Variants in CA10 observed in about 807,000 individuals in gnomAD.
CA10 encodes the protein carbonic anhydrase 10 (inactive).
A neutral mutation model predicts 44.2 loss-of-function variants in CA10; 14 were observed. The observed-to-expected ratio is 0.32, with a 90% CI of 0.21 to 0.50. The LOEUF (loss-of-function observed/expected upper bound fraction) is 0.50, where lower values mean the gene tolerates loss of function less well. CA10 is among the 20% of genes least tolerant of loss of function. The pLI is 0.99. For synonymous variants in CA10, 159 were observed against 141.6 expected (o/e 1.12, Z -0.87); for missense variants, 350 against 409.7 (o/e 0.85, Z 1.26).
chr17:52,060,750 A>T (rs1269695307), intron 2 of CA10, among the ~76,000 whole-genome samples: 2 of 152,176 alleles, frequency 1.3e-5, no homozygotes, highest in Non-Finnish European at 2.9e-5. Context: ...GCAGAACAGT[A>T]CTATTGTCTA....
At chr17:51,958,508 G>C (rs1245698068) in intron 2 of CA10, among the ~76,000 whole-genome samples, 1 of 152,056 alleles carries the variant, frequency 6.6e-6, no homozygotes, top group African/African-American at 2.4e-5. Context: ...ATTGTGCCTA[G>C]GAAGGGAAAC....
At chr17:51,777,961 C>A (rs1905895738) in intron 3 of CA10, among the ~76,000 whole-genome samples, 1 of 152,090 alleles carries the variant, frequency 6.6e-6, no homozygotes, top group African/African-American at 2.4e-5. Flanking sequence ...TATATAGATA[C>A]AAATAATGTG....
intron 6 of CA10, among the ~76,000 whole-genome samples, chr17:51,640,765 G>A (rs139201499): frequency 0.034 from 5,141 of 152,308 alleles, 133 homozygotes; most frequent in Middle Eastern, 0.095. Flanking sequence ...CCAGGAACTA[G>A]CTTTTAGTCA....
At chr17:52,059,941 T>C (rs1052279686) in intron 2 of CA10, among the ~76,000 whole-genome samples, 2 of 152,202 alleles carry the variant, frequency 1.3e-5, no homozygotes, top group African/African-American at 4.8e-5. Flanking sequence ...CGAGAAATAC[T>C]ACCTGTTAAT....
At chr17:51,750,167 G>A (rs1381454847) in intron 3 of CA10, among the ~76,000 whole-genome samples, 3 of 151,972 alleles carry the variant, frequency 2.0e-5, no homozygotes, top group African/African-American at 7.3e-5. Context: ...TAATACATAG[G>A]CATTATTATA....
At chr17:51,734,846 G>A (rs775350728) in intron 4 of CA10, among the ~76,000 whole-genome samples, 16 of 151,886 alleles carry the variant, frequency 1.1e-4, no homozygotes, top group South Asian at 2.1e-4. Context: ...ATTTTTCACC[G>A]TTCTGGAGGA....
At chr17:52,048,749 A>G (rs1171237834) in intron 2 of CA10, among the ~76,000 whole-genome samples, 1 of 152,016 alleles carries the variant, frequency 6.6e-6, no homozygotes, top group Non-Finnish European at 1.5e-5. Flanking sequence ...TAATTAGTCC[A>G]GGTTGACAGC....
At chr17:51,856,366 AC>A (rs1979044680) in intron 3 of CA10, among the ~76,000 whole-genome samples, 4 of 103,722 alleles carry the variant, frequency 3.9e-5, no homozygotes, top group African/African-American at 3.6e-4. Context: ...CAGTAAAACA[AC>A]AACAACAACA....
chr17:51,794,448 C>T (rs1338301845), intron 3 of CA10, among the ~76,000 whole-genome samples: 2 of 152,156 alleles, frequency 1.3e-5, no homozygotes, highest in Non-Finnish European at 2.9e-5. Context: ...TGGCAGGTGT[C>T]ACCCCACTAT....
At chr17:51,803,293 T>A (rs1907006892) in intron 3 of CA10, among the ~76,000 whole-genome samples, 1 of 152,192 alleles carries the variant, frequency 6.6e-6, no homozygotes, top group Non-Finnish European at 1.5e-5. Flanking sequence ...TCCATCCTCC[T>A]GCGATGGGGC....
chr17:51,838,699 A>G (rs767649349), intron 3 of CA10, among the ~76,000 whole-genome samples: 6 of 152,384 alleles, frequency 3.9e-5, no homozygotes, highest in South Asian at 4.1e-4. Flanking sequence ...TCCCCTTTAC[A>G]TAGCAAATAT....
chr17:51,702,266 C>G (rs747411251), intron 4 of CA10, among the ~76,000 whole-genome samples: 2 of 152,138 alleles, frequency 1.3e-5, no homozygotes, highest in African/African-American at 4.8e-5. Flanking sequence ...AGGCCCAGAG[C>G]AGTTGGGAGA....
intron 3 of CA10, among the ~76,000 whole-genome samples, chr17:51,760,523 T>G (rs949803602): frequency 6.6e-6 from 1 of 152,100 alleles, no homozygotes; most frequent in African/African-American, 2.4e-5. Flanking sequence ...GGGGCAGTAT[T>G]CAGGACACTG....
At chr17:51,703,776 G>A (rs936245261) in intron 4 of CA10, among the ~76,000 whole-genome samples, 7 of 152,190 alleles carry the variant, frequency 4.6e-5, no homozygotes, top group African/African-American at 7.2e-5. Flanking sequence ...CCTAATTAAA[G>A]TTTTTAAAAT....
intron 4 of CA10, among the ~76,000 whole-genome samples, chr17:51,744,158 G>T (rs112884960): frequency 0.019 from 2,816 of 151,802 alleles, 110 homozygotes; most frequent in African/African-American, 0.065. Context: ...CACCTGTACT[G>T]AAAAAAATTA....
At chr17:51,652,670 T>C (rs180864255) in intron 5 of CA10, among the ~76,000 whole-genome samples, 2 of 152,274 alleles carry the variant, frequency 1.3e-5, no homozygotes, top group East Asian at 3.9e-4. Context: ...GGTAATTCTT[T>C]TGTGGGGGCG....
At chr17:51,647,785 A>G (rs1913398586) in intron 6 of CA10, among the ~76,000 whole-genome samples, 1 of 152,264 alleles carries the variant, frequency 6.6e-6, no homozygotes, top group African/African-American at 2.4e-5. Context: ...CTATTTACAC[A>G]CAAGACAGAA....
intron 4 of CA10, among the ~76,000 whole-genome samples, chr17:51,679,379 C>T (rs1050399731): frequency 1.3e-5 from 2 of 151,602 alleles, no homozygotes; most frequent in Admixed American, 6.6e-5. Flanking sequence ...CCTGCCTCAG[C>T]CTCCCTAGTA....
At chr17:51,816,672 C>G (rs183284375) in intron 3 of CA10, among the ~76,000 whole-genome samples, 5 of 152,340 alleles carry the variant, frequency 3.3e-5, no homozygotes, top group Admixed American at 3.3e-4. Context: ...TTACTCATCA[C>G]TACTTTGTAA....
Sources: gnomAD v4.1 joint callset for allele counts (sites outside exome capture counted in the v4.1 genomes callset) on GRCh38, gnomAD v4.1.1 for gene constraint, MANE v1.5 for transcripts, NCBI Gene and HGNC (gene_info 2026-07-23, HGNC 2026-07-21) for gene names.